NUP160: variants seen among roughly 807,000 people sequenced by gnomAD.
NUP160 encodes the protein nucleoporin 160.
In NUP160, 94 loss-of-function variants were observed where a neutral mutation model predicts 196.9. The ratio of observed to expected loss-of-function variants is 0.48; its 90% CI spans 0.40 to 0.57. NUP160 has a LOEUF of 0.57. Ranked by LOEUF, NUP160 falls within the 20% of genes least tolerant of loss-of-function variation. The probability of loss-of-function intolerance (pLI) is 0.00; values close to 1 mark genes in which losing one functional copy is unlikely to be tolerated. For missense variants in NUP160, 1,638 were observed against 1,748.3 expected, an observed-to-expected ratio of 0.94 and a Z score of 1.13; for synonymous variants, 605 against 619.7, an observed-to-expected ratio of 0.98 and a Z score of 0.35.
intron 23 of NUP160, 46 bp from the exon 24 acceptor site, chr11:47,798,509 G>T: frequency 1.8e-6 from 2 of 1,083,170 alleles, no homozygotes; most frequent in Non-Finnish European, 2.8e-6. Flanking sequence ...ATATTGTAAT[G>T]TACTTCAAAC....
At chr11:47,814,372 G>A (rs902318807) in intron 13 of NUP160, among the ~76,000 whole-genome samples, 2 of 151,494 alleles carry the variant, frequency 1.3e-5, no homozygotes, top group Non-Finnish European at 2.9e-5. Flanking sequence ...GCGAAACTCC[G>A]TCTCTATTAA....
intron 18 of NUP160, 135 bp downstream of exon 18, chr11:47,808,259 TGA>T (rs753505609): frequency 2.5e-4 from 182 of 732,978 alleles, no homozygotes; most frequent in Non-Finnish European, 3.7e-4. Flanking sequence ...CCGGCCTGGG[TGA>T]GAGAGAGCGA....
exon 14 of NUP160, chr11:47,813,318 T>A: frequency 6.4e-7 from 1 of 1,574,140 alleles, no homozygotes; most frequent in East Asian, 2.2e-5. Flanking sequence ...ACTATTACCA[T>A]CAGATATGGT....
At chr11:47,840,225 T>A (rs1201986479) in intron 3 of NUP160, 153 bp downstream of exon 3, 1 of 834,028 alleles carries the variant, frequency 1.2e-6, no homozygotes, top group South Asian at 1.4e-5. Flanking sequence ...AATGTATGCC[T>A]GATCATTTTA....
intron 19 of NUP160, among the ~76,000 whole-genome samples, chr11:47,806,790 T>TATACAC (rs1296127312): frequency 4.7e-4 from 53 of 111,884 alleles, no homozygotes; most frequent in East Asian, 7.6e-4. Flanking sequence ...AAAGCAGCTA[T>TATACAC]ACACACACAC....
intron 11 of NUP160, among the ~76,000 whole-genome samples, chr11:47,816,584 G>A (rs2097684591): frequency 6.6e-6 from 1 of 152,080 alleles, no homozygotes; most frequent in Admixed American, 6.5e-5. Flanking sequence ...AGACAAGCTT[G>A]GCCAATATGG....
intron 7 of NUP160, among the ~76,000 whole-genome samples, chr11:47,834,502 G>A (rs956545068): frequency 3.3e-5 from 5 of 152,096 alleles, no homozygotes; most frequent in East Asian, 1.9e-4. Flanking sequence ...GGCCATATTA[G>A]GAAAAAACTG....
At chr11:47,800,387 GTTTT>G (rs766123187) in intron 23 of NUP160, among the ~76,000 whole-genome samples, 2 of 151,378 alleles carry the variant, frequency 1.3e-5, no homozygotes, top group Non-Finnish European at 2.9e-5. Flanking sequence ...AAAGTAGAGG[GTTTT>G]TTTCTTTTTT....
chr11:47,779,537 C>T (rs1476321092), intron 35 of NUP160: 1 of 517,040 alleles, frequency 1.9e-6, no homozygotes, highest in Non-Finnish European at 3.8e-6. Context: ...AAATATAGAA[C>T]TAATATTTTA....
chr11:47,845,588 T>C (rs1035966008), intron 2 of NUP160, among the ~76,000 whole-genome samples: 1 of 152,094 alleles, frequency 6.6e-6, no homozygotes, highest in African/African-American at 2.4e-5. Context: ...GGTTTTTTGG[T>C]TATTGTTGTT....
rs1371269358 is a variant in NUP160 at position 47,807,831 on chromosome 11, A to G, written c.2375+565T>C. On this transcript the variant is annotated intron_variant, in intron 18 of 35. Coordinates refer to ENST00000378460, the Ensembl canonical transcript of NUP160. Reference sequence around the variant, plus strand: ...ATATGTACACACAAACGTGTAGTACATAAGTATAATACATAATTTATTTGT... The same window carrying G: ...ATATGTACACACAAACGTGTAGTACGTAAGTATAATACATAATTTATTTGT... 3.1e-5 allele frequency among the ~76,000 whole-genome samples: 4 copies of G among 127,510 alleles called. No individual in the cohort carries two copies. In the South Asian group the frequency reaches 9.2e-4, roughly 29 times the overall value. 83.7% of individuals were successfully genotyped at this position (127,510 alleles called of 152,430 possible).
chr11:47,815,349 T>G, intron 13 of NUP160, 130 bp downstream of exon 13: 1 of 572,336 alleles, frequency 1.7e-6, no homozygotes, highest in Non-Finnish European at 2.9e-6. Flanking sequence ...AAGTCCTAAA[T>G]GCTAACCGCA....
intron 28 of NUP160, 80 bp downstream of exon 28, chr11:47,792,706 T>G: frequency 7.9e-7 from 1 of 1,263,790 alleles, no homozygotes; most frequent in South Asian, 1.7e-5. Flanking sequence ...AATGACACAA[T>G]AGTTTTGAAA....
At chr11:47,798,219 C>T in exon 25 of NUP160, 2 of 1,612,444 alleles carry the variant, frequency 1.2e-6, no homozygotes, top group South Asian at 1.1e-5. Context: ...GCTATTGTGA[C>T]CCAAATCCAA....
Position 47,801,804 on chromosome 11 carries a change from G to A in NUP160, c.2895+7C>T, listed in dbSNP as rs752354763. On this transcript the variant is annotated splice_region_variant and intron_variant, in intron 23 of 35. Coordinates refer to ENST00000378460, the Ensembl canonical transcript of NUP160. ...GTGGTATAAGGCCAAACCAAGACAT[G>A]ATGTACCTTGTCATAATACTGCAGC... 6.3e-5 allele frequency: 102 copies of A among 1,613,334 alleles called. No individual in the cohort carries two copies. Among genetic ancestry groups the A allele is most frequent in the Non-Finnish European group, 8.1e-5 (96 of 1,179,650 alleles).
chr11:47,845,414 A>G (rs1852381481), intron 2 of NUP160, among the ~76,000 whole-genome samples: 1 of 152,216 alleles, frequency 6.6e-6, no homozygotes, highest in African/African-American at 2.4e-5. Context: ...TACTGGGATT[A>G]CAGGTGTGAG....
At chr11:47,795,012 A>G (rs1485635187) in intron 27 of NUP160, among the ~76,000 whole-genome samples, 1 of 152,048 alleles carries the variant, frequency 6.6e-6, no homozygotes. Flanking sequence ...GAGGCAGGAG[A>G]ATTGCTTGAA....
At chr11:47,835,604 A>G (rs1421810755) in intron 7 of NUP160, 47 bp downstream of exon 7, 2 of 1,463,546 alleles carry the variant, frequency 1.4e-6, no homozygotes, top group South Asian at 1.5e-5. Flanking sequence ...ATTTCTCCAC[A>G]TCAGTACACA....
chr11:47,802,871 GCTACTTGAGAGGCTGAGGTAGGAGAATCA>G (rs1298369270), intron 22 of NUP160, among the ~76,000 whole-genome samples: 1 of 151,846 alleles, frequency 6.6e-6, no homozygotes, highest in Non-Finnish European at 1.5e-5. Flanking sequence ...AAGTACCTCA[GCTACTTGAGAGGCTGAGGTAGGAGAATCA>G]CTTGAGCCCA....
Sources: allele counts gnomAD v4.1 joint callset (sites outside exome capture counted in the v4.1 genomes callset), GRCh38; gene constraint gnomAD v4.1.1; transcripts MANE v1.5; gene names NCBI Gene and HGNC (gene_info 2026-07-23, HGNC 2026-07-21).